The following RNF180 variants were observed in gnomAD, a reference collection of about 807,000 sequenced individuals.
RNF180 encodes ring finger protein 180.
Under a neutral mutation model 59.2 loss-of-function variants are expected in RNF180, and 38 were observed. The observed-to-expected ratio is 0.64, with a 90% CI of 0.50 to 0.84. RNF180 has a LOEUF of 0.84. Ranked by LOEUF, RNF180 falls within the 40% of genes least tolerant of loss-of-function variation. The pLI is 0.00. For missense variants in RNF180, 705 were observed against 700.9 expected, an observed-to-expected ratio of 1.01 and a Z score of -0.07; for synonymous variants, 262 against 240.3, an observed-to-expected ratio of 1.09 and a Z score of -0.84.
At chr5:64,252,685 T>C (rs1172343085) in intron 5 of RNF180, among the ~76,000 whole-genome samples, 3 of 152,150 alleles carry the variant, frequency 2.0e-5, no homozygotes, top group Admixed American at 1.3e-4. Context: ...GTAGTGGTCC[T>C]GAGCATGGAA....
At chr5:64,256,120 A>C (rs1475480946) in intron 5 of RNF180, among the ~76,000 whole-genome samples, 2 of 151,898 alleles carry the variant, frequency 1.3e-5, no homozygotes, top group African/African-American at 4.8e-5. Flanking sequence ...AGATGAGTAG[A>C]TTGCAAAAAT....
At chr5:64,250,947 CA>C (rs1281037115) in intron 5 of RNF180, among the ~76,000 whole-genome samples, 1 of 151,966 alleles carries the variant, frequency 6.6e-6, no homozygotes, top group Non-Finnish European at 1.5e-5. Flanking sequence ...AACATAGATG[CA>C]AAAATCCTCA....
At chr5:64,255,281 G>A (rs1332579944) in intron 5 of RNF180, among the ~76,000 whole-genome samples, 1 of 152,038 alleles carries the variant, frequency 6.6e-6, no homozygotes, top group African/African-American at 2.4e-5. Flanking sequence ...GTATACATGT[G>A]CCATGTTAGT....
intron 2 of RNF180, among the ~76,000 whole-genome samples, chr5:64,201,518 A>G (rs1379434871): frequency 6.6e-6 from 1 of 152,234 alleles, no homozygotes; most frequent in African/African-American, 2.4e-5. Flanking sequence ...AAAGTAATTA[A>G]TGGAGTTTGG....
At chr5:64,328,958 A>G (rs1744772479) in intron 6 of RNF180, among the ~76,000 whole-genome samples, 1 of 151,914 alleles carries the variant, frequency 6.6e-6, no homozygotes, top group Admixed American at 6.6e-5. Flanking sequence ...TTCTCAGATC[A>G]TGGTTTGCTT....
chr5:64,306,938 A>G (rs1317959032), intron 5 of RNF180, among the ~76,000 whole-genome samples: 1 of 151,484 alleles, frequency 6.6e-6, no homozygotes, highest in Non-Finnish European at 1.5e-5. Flanking sequence ...ACAAACCTGC[A>G]TGTTGTGCAC....
intron 7 of RNF180, among the ~76,000 whole-genome samples, chr5:64,349,607 G>A (rs544591274): frequency 1.3e-5 from 2 of 151,458 alleles, no homozygotes; most frequent in East Asian, 3.9e-4. Context: ...ACCATGACAG[G>A]CCCCAGTGTG....
chr5:64,213,068 C>A (rs753817442), intron 3 of RNF180, among the ~76,000 whole-genome samples: 4 of 152,134 alleles, frequency 2.6e-5, no homozygotes, highest in Non-Finnish European at 5.9e-5. Flanking sequence ...CTGATGTATG[C>A]AATCAGTATA....
chr5:64,200,932 A>C lies in RNF180; in HGVS notation c.125A>C (p.Gln42Pro). Residue 42 changes from glutamine to proline, a missense_variant, in exon 2 of 8, where the codon CAA (glutamine) becomes CCA (proline). Coordinates refer to ENST00000389100, the MANE Select transcript of RNF180 (RefSeq NM_001113561.2). ...SGCFMEYLEN[Q>P]VIKDKDDSVD... The stretch of plus-strand genomic sequence containing the variant: ...TGTTTTATGGAGTATCTTGAGAATC[A>C]AGTGATTAAGGTGAGTATTGGTAAC... The C allele has an allele frequency of 6.2e-7, 1 of 1,613,748 alleles. No homozygotes were observed. The highest frequency in any genetic ancestry group is 8.5e-7 in the Non-Finnish European group (1 of 1,179,768).
intron 2 of RNF180, among the ~76,000 whole-genome samples, chr5:64,210,799 A>G (rs1752274693): frequency 1.3e-5 from 2 of 152,178 alleles, no homozygotes; most frequent in South Asian, 2.1e-4. Context: ...TGGCACTGTT[A>G]TAGGACTAAC....
intron 5 of RNF180, among the ~76,000 whole-genome samples, chr5:64,219,146 T>C (rs1752779238): frequency 6.6e-6 from 1 of 152,182 alleles, no homozygotes; most frequent in South Asian, 2.1e-4. Context: ...GTTGAGGACA[T>C]TTTCTTCCAT....
intron 5 of RNF180, among the ~76,000 whole-genome samples, chr5:64,277,648 G>C (rs1384802423): frequency 1.3e-5 from 2 of 152,158 alleles, no homozygotes; most frequent in African/African-American, 4.8e-5. Context: ...AGTTTCTGCA[G>C]TCAGGGATAC....
At chr5:64,233,924 C>T (rs1368437369) in intron 5 of RNF180, among the ~76,000 whole-genome samples, 3 of 152,264 alleles carry the variant, frequency 2.0e-5, no homozygotes, top group South Asian at 4.1e-4. Flanking sequence ...CAGATGAATG[C>T]CCTGGTCTGG....
intron 5 of RNF180, among the ~76,000 whole-genome samples, chr5:64,277,140 A>G (rs1361458680): frequency 6.6e-6 from 1 of 151,124 alleles, no homozygotes; most frequent in Non-Finnish European, 1.5e-5. Flanking sequence ...TTAAGGTTAA[A>G]TGAAGTTAGG....
intron 7 of RNF180, among the ~76,000 whole-genome samples, chr5:64,349,450 C>CT (rs1554045671): frequency 1.4e-5 from 2 of 143,768 alleles, no homozygotes; most frequent in South Asian, 4.3e-4. Flanking sequence ...TTTTATTATA[C>CT]TTTAAGTTCT....
chr5:64,245,153 C>A (rs1250185760), intron 5 of RNF180, among the ~76,000 whole-genome samples: 1 of 152,098 alleles, frequency 6.6e-6, no homozygotes, highest in Non-Finnish European at 1.5e-5. Context: ...TTGTAAAGGC[C>A]ATCAACACTA....
chr5:64,179,675 T>G (rs1579936984), intron 1 of RNF180, among the ~76,000 whole-genome samples: 1 of 152,212 alleles, frequency 6.6e-6, no homozygotes, highest in Non-Finnish European at 1.5e-5. Context: ...TTGGGTTGTT[T>G]CCAGTTTTTT....
chr5:64,234,638 C>A (rs1490811433), intron 5 of RNF180, among the ~76,000 whole-genome samples: 1 of 105,906 alleles, frequency 9.4e-6, no homozygotes, highest in Non-Finnish European at 1.8e-5. Flanking sequence ...CTCACTCTGT[C>A]GCCCAGGCTG....
intron 2 of RNF180, among the ~76,000 whole-genome samples, chr5:64,209,536 G>A (rs952784109): frequency 1.3e-5 from 2 of 152,016 alleles, no homozygotes; most frequent in Middle Eastern, 3.4e-3. Context: ...TCAACACTGT[G>A]TTTAGTAATC....
Sources: gnomAD v4.1 joint callset for allele counts (sites outside exome capture counted in the v4.1 genomes callset) on GRCh38, gnomAD v4.1.1 for gene constraint, MANE v1.5 for transcripts, NCBI Gene and HGNC (gene_info 2026-07-23, HGNC 2026-07-21) for gene names.